The following TMEM273 variants were observed in gnomAD, a reference collection of about 807,000 sequenced individuals.
TMEM273 encodes transmembrane protein 273, also known as chromosome 10 open reading frame 128.
Under a neutral mutation model 17.9 loss-of-function variants are expected in TMEM273, and 19 were observed. The ratio of observed to expected loss-of-function variants is 1.06; its 90% confidence interval spans 0.74 to 1.55. TMEM273 has a LOEUF of 1.55. Ranked by LOEUF, TMEM273 falls within the 40% of genes most tolerant of loss-of-function variation. The pLI, the probability that TMEM273 is intolerant of heterozygous loss-of-function variation, is 0.00. For missense variants in TMEM273, 194 were observed against 155.6 expected (o/e 1.25, Z -1.31); for synonymous variants, 66 against 62.0 (o/e 1.07, Z -0.31).
At chr10:49,177,302 C>T (rs1847045279) in intron 1 of TMEM273, among the ~76,000 whole-genome samples, 1 of 152,228 alleles carries the variant, frequency 6.6e-6, no homozygotes. Flanking sequence ...CATTTCCTCC[C>T]TCCCTCTCTA....
chr10:49,157,354 C>T (rs1845574228), intron 6 of TMEM273, among the ~76,000 whole-genome samples: 1 of 152,186 alleles, frequency 6.6e-6, no homozygotes, highest in Non-Finnish European at 1.5e-5. Flanking sequence ...CATCTGCTGG[C>T]TGGACTAGTA....
intron 1 of TMEM273, among the ~76,000 whole-genome samples, chr10:49,175,912 A>T (rs1846928828): frequency 6.6e-6 from 1 of 152,194 alleles, no homozygotes; most frequent in Non-Finnish European, 1.5e-5. Flanking sequence ...CCGGACACCC[A>T]GCCGACCCTA....
chr10:49,172,073 A>G (rs992891506), intron 1 of TMEM273, among the ~76,000 whole-genome samples: 1 of 152,256 alleles, frequency 6.6e-6, no homozygotes, highest in Non-Finnish European at 1.5e-5. Flanking sequence ...GCCCGGCCAT[A>G]GTCTTCTTGG....
At chr10:49,187,448 T>C (rs986036754) in intron 1 of TMEM273, among the ~76,000 whole-genome samples, 5 of 152,230 alleles carry the variant, frequency 3.3e-5, no homozygotes, top group Non-Finnish European at 5.9e-5. Context: ...CTGCTTCCCA[T>C]TGAGTCTCGG....
chr10:49,155,966 G>A lies in TMEM273; in HGVS notation c.373-57C>T, dbSNP rs372417788. The A allele has an allele frequency of 3.5e-5, 56 of 1,612,878 alleles. No individual in the cohort carries two copies. In the African/African-American group the frequency reaches 7.2e-4, roughly 21 times the overall value. ...ATTGAGAGAGCAACTATACTCTAAT[G>A]ATTGCATGTGTTTATGCAATTCACA... is the stretch of plus-strand genomic sequence containing the variant. On this transcript the variant is annotated intron_variant, in intron 6 of 6. Transcript: ENST00000374153.
intron 1 of TMEM273, among the ~76,000 whole-genome samples, chr10:49,177,042 G>C (rs192903711): frequency 6.6e-6 from 1 of 152,166 alleles, no homozygotes; most frequent in Non-Finnish European, 1.5e-5. Context: ...GCTGCCTGCC[G>C]CCAGGGGAGG....
At chr10:49,182,935 C>G (rs1847437544) in intron 1 of TMEM273, among the ~76,000 whole-genome samples, 1 of 152,106 alleles carries the variant, frequency 6.6e-6, no homozygotes, top group African/African-American at 2.4e-5. Context: ...CGAATCAAAT[C>G]ACCAGGGGCT....
At chr10:49,188,250 A>G in intron 1 of TMEM273, 44 bp downstream of exon 1, 1 of 1,611,622 alleles carries the variant, frequency 6.2e-7, no homozygotes, top group Non-Finnish European at 8.5e-7. Flanking sequence ...TTTCCTGCCC[A>G]CTGAGGCTCC....
chr10:49,167,824 G>T (rs2132159586), intron 2 of TMEM273, 85 bp downstream of exon 2: 1 of 1,546,336 alleles, frequency 6.5e-7, no homozygotes, highest in Non-Finnish European at 8.9e-7. Context: ...ACCAATTCCA[G>T]CACTGCGGCC....
At chr10:49,168,254 G>A (rs144505356) in intron 1 of TMEM273, among the ~76,000 whole-genome samples, 3 of 152,210 alleles carry the variant, frequency 2.0e-5, no homozygotes, top group Non-Finnish European at 4.4e-5. Flanking sequence ...GGCTCCCAAG[G>A]CCCTCCTTAA....
chr10:49,156,708 GA>G (rs893727089), intron 6 of TMEM273, among the ~76,000 whole-genome samples: 2 of 152,206 alleles, frequency 1.3e-5, no homozygotes, highest in African/African-American at 4.8e-5. Context: ...AGGAAGGCGG[GA>G]CAGAGTGAAG....
rs555092929 is a variant in TMEM273 at position 49,161,523 on chromosome 10, C to T, written c.372+76G>A. Reference sequence around the variant, plus strand: ...TGGCCAGGGGAGGGAGAGGTCATGCCGAAAACCCATGCAGCCCCATGGGGC... The same window carrying T: ...TGGCCAGGGGAGGGAGAGGTCATGCTGAAAACCCATGCAGCCCCATGGGGC... On this transcript the variant is annotated intron_variant, in intron 6 of 6. Transcript: ENST00000374153. 3.4e-5 allele frequency: 55 copies of T among 1,601,378 alleles called. No homozygotes were observed. In the East Asian group the frequency reaches 5.1e-4, roughly 15 times the overall value.
At chr10:49,156,679 G>C (rs1179143948) in intron 6 of TMEM273, among the ~76,000 whole-genome samples, 1 of 152,210 alleles carries the variant, frequency 6.6e-6, no homozygotes, top group African/African-American at 2.4e-5. Flanking sequence ...CTCCTCATGA[G>C]AGATGGGGCA....
intron 5 of TMEM273, among the ~76,000 whole-genome samples, chr10:49,162,141 G>A (rs553506360): frequency 3.3e-5 from 5 of 152,184 alleles, no homozygotes; most frequent in Admixed American, 6.5e-5. Context: ...TAACAGAGAC[G>A]CTCCTCTTAG....
chr10:49,166,001 C>T (rs1405037659), intron 3 of TMEM273, among the ~76,000 whole-genome samples: 1 of 152,182 alleles, frequency 6.6e-6, no homozygotes, highest in Non-Finnish European at 1.5e-5. Context: ...CAAGGATAAG[C>T]AAACTCCCAT....
chr10:49,156,094 G>A, intron 6 of TMEM273, 185 bp from the exon 7 acceptor site: 2 of 1,542,936 alleles, frequency 1.3e-6, no homozygotes, highest in Non-Finnish European at 1.8e-6. Context: ...TGGGTAAAGG[G>A]GAGAGCTCAA....
chr10:49,180,453 G>T (rs1754370733), intron 1 of TMEM273, among the ~76,000 whole-genome samples: 1 of 152,180 alleles, frequency 6.6e-6, no homozygotes, highest in African/African-American at 2.4e-5. Context: ...GTCAGTGGTG[G>T]CCAGAGAGGA....
intron 1 of TMEM273, among the ~76,000 whole-genome samples, chr10:49,177,310 C>G (rs1847046071): frequency 6.6e-6 from 1 of 152,232 alleles, no homozygotes; most frequent in Non-Finnish European, 1.5e-5. Flanking sequence ...CCCTCCCTCT[C>G]TAGTTCCCAG....
intron 1 of TMEM273, among the ~76,000 whole-genome samples, chr10:49,174,597 C>T (rs942498661): frequency 6.6e-6 from 1 of 152,152 alleles, no homozygotes; most frequent in Non-Finnish European, 1.5e-5. Context: ...CCTCCCATGC[C>T]GCTTGTGGTC....
Sources: allele counts gnomAD v4.1 joint callset (sites outside exome capture counted in the v4.1 genomes callset), GRCh38; gene constraint gnomAD v4.1.1; transcripts MANE v1.5; gene names NCBI Gene and HGNC (gene_info 2026-07-23, HGNC 2026-07-21).